Variants in CADM1 observed in about 807,000 individuals in gnomAD.
CADM1 encodes the protein cell adhesion molecule 1.
A neutral mutation model predicts 53.1 loss-of-function variants in CADM1; 15 were observed. That is an observed-to-expected ratio of 0.28 (90% CI 0.19 to 0.44). The LOEUF is 0.44. Among genes scored for constraint, CADM1 ranks in the 20% least tolerant of loss-of-function variants. The pLI is 1.00. For synonymous variants in CADM1, 281 were observed against 243.0 expected (o/e 1.16, Z -1.45); for missense variants, 434 against 611.3 (o/e 0.71, Z 3.06).
At chr11:115,243,245 A>G (rs1942303563) in intron 1 of CADM1, among the ~76,000 whole-genome samples, 2 of 152,218 alleles carry the variant, frequency 1.3e-5, no homozygotes, top group East Asian at 1.9e-4. Flanking sequence ...TATCATCATC[A>G]TGACTGTATT....
At chr11:115,364,257 C>T (rs1946101990) in intron 1 of CADM1, among the ~76,000 whole-genome samples, 3 of 152,136 alleles carry the variant, frequency 2.0e-5, no homozygotes, top group East Asian at 1.9e-4. Context: ...CTTCTATAAA[C>T]CTCTTTTCTA....
At chr11:115,443,153 A>G (rs569752493) in intron 1 of CADM1, among the ~76,000 whole-genome samples, 29 of 152,286 alleles carry the variant, frequency 1.9e-4, no homozygotes, top group Middle Eastern at 6.8e-3. Flanking sequence ...GGCTCCTGTG[A>G]ATTACTAATT....
At chr11:115,360,595 TC>T (rs1187731003) in intron 1 of CADM1, among the ~76,000 whole-genome samples, 1 of 152,192 alleles carries the variant, frequency 6.6e-6, no homozygotes, top group Non-Finnish European at 1.5e-5. Context: ...TTCCTTACAT[TC>T]CATGACTAAA....
At chr11:115,249,429 A>T (rs1455580343) in intron 1 of CADM1, among the ~76,000 whole-genome samples, 2 of 152,242 alleles carry the variant, frequency 1.3e-5, no homozygotes, top group Non-Finnish European at 2.9e-5. Context: ...CCCTCACTTC[A>T]TCCGGTGTTG....
At chr11:115,308,171 GTGTGTA>G (rs371124102) in intron 1 of CADM1, among the ~76,000 whole-genome samples, 2,626 of 134,706 alleles carry the variant, frequency 0.019, 87 homozygotes, top group African/African-American at 0.065. Context: ...GTGTGTGTGT[GTGTGTA>G]TATCACTCAT....
intron 1 of CADM1, among the ~76,000 whole-genome samples, chr11:115,302,438 T>C (rs779933377): frequency 2.0e-5 from 3 of 151,976 alleles, no homozygotes; most frequent in African/African-American, 4.8e-5. Context: ...TCAAAGAAAC[T>C]TGATGGGAGT....
intron 1 of CADM1, among the ~76,000 whole-genome samples, chr11:115,328,644 AAT>A (rs1384113084): frequency 1.5e-5 from 2 of 135,454 alleles, no homozygotes; most frequent in Non-Finnish European, 3.2e-5. Flanking sequence ...TCTAAATATA[AAT>A]ATATATATAC....
intron 8 of CADM1, among the ~76,000 whole-genome samples, chr11:115,202,579 T>C (rs768234060): frequency 2.6e-5 from 4 of 152,194 alleles, no homozygotes; most frequent in Non-Finnish European, 5.9e-5. Context: ...CAGAGCTTAA[T>C]TGTAAAAAAT....
At chr11:115,247,866 C>T (rs575994056) in intron 1 of CADM1, among the ~76,000 whole-genome samples, 7 of 152,256 alleles carry the variant, frequency 4.6e-5, no homozygotes, top group Admixed American at 2.0e-4. Flanking sequence ...TTGACAATTC[C>T]GCCCTCAACT....
chr11:115,320,575 T>A (rs1216369132), intron 1 of CADM1, among the ~76,000 whole-genome samples: 2 of 152,146 alleles, frequency 1.3e-5, no homozygotes, highest in Non-Finnish European at 2.9e-5. Context: ...TAAACCAGTA[T>A]TAACTAAAAG....
chr11:115,206,113 G>A (rs1940663557), intron 8 of CADM1, among the ~76,000 whole-genome samples: 2 of 152,266 alleles, frequency 1.3e-5, no homozygotes, highest in Admixed American at 6.5e-5. Flanking sequence ...ATTTTATAAG[G>A]TGTTGAAGAT....
chr11:115,227,510 G>C (rs1013510710), intron 5 of CADM1, among the ~76,000 whole-genome samples: 82 of 151,984 alleles, frequency 5.4e-4, no homozygotes, highest in African/African-American at 1.9e-3. Flanking sequence ...AAAGCTAATG[G>C]GCCCCTACAA....
intron 1 of CADM1, among the ~76,000 whole-genome samples, chr11:115,425,124 C>T (rs985404968): frequency 5.3e-5 from 8 of 152,228 alleles, no homozygotes; most frequent in East Asian, 1.9e-4. Context: ...ATAGATGAAA[C>T]GATAAATGGC....
chr11:115,465,225 A>T (rs1334772285), intron 1 of CADM1, among the ~76,000 whole-genome samples: 1 of 152,170 alleles, frequency 6.6e-6, no homozygotes. Flanking sequence ...GGGCTTGAAG[A>T]AAAAGACATT....
intron 1 of CADM1, among the ~76,000 whole-genome samples, chr11:115,500,856 G>A (rs947990591): frequency 2.6e-5 from 4 of 152,226 alleles, no homozygotes; most frequent in African/African-American, 9.6e-5. Flanking sequence ...GGAGAGAGAT[G>A]AGCAGGCAGT....
intron 1 of CADM1, among the ~76,000 whole-genome samples, chr11:115,405,916 G>A (rs1474386018): frequency 6.6e-6 from 1 of 152,146 alleles, no homozygotes; most frequent in African/African-American, 2.4e-5. Context: ...GGGCAGACAC[G>A]AGAGAGGACG....
At chr11:115,393,386 G>C (rs1946894979) in intron 1 of CADM1, among the ~76,000 whole-genome samples, 1 of 150,960 alleles carries the variant, frequency 6.6e-6, no homozygotes, top group African/African-American at 2.4e-5. Context: ...TCTACCTTTA[G>C]AATTAGAAAA....
intron 1 of CADM1, among the ~76,000 whole-genome samples, chr11:115,456,406 T>G (rs961375765): frequency 1.3e-5 from 2 of 152,174 alleles, no homozygotes; most frequent in Non-Finnish European, 2.9e-5. Flanking sequence ...ACTTTAATTT[T>G]TTTTTAATTA....
chr11:115,315,025 G>C (rs1944625144), intron 1 of CADM1, among the ~76,000 whole-genome samples: 1 of 152,160 alleles, frequency 6.6e-6, no homozygotes, highest in Admixed American at 6.5e-5. Context: ...ACGTTAAACA[G>C]TTTAATCTAG....
Sources: gnomAD v4.1 joint callset for allele counts (sites outside exome capture counted in the v4.1 genomes callset) on GRCh38, gnomAD v4.1.1 for gene constraint, MANE v1.5 for transcripts, NCBI Gene and HGNC (gene_info 2026-07-23, HGNC 2026-07-21) for gene names.